RALYL: variants seen among roughly 807,000 people sequenced by gnomAD.
RALYL encodes RALY RNA binding protein like.
In RALYL, 29 loss-of-function variants were observed where a neutral mutation model predicts 35.1. The observed-to-expected ratio is 0.83, with a 90% CI of 0.61 to 1.13. The LOEUF (loss-of-function observed/expected upper bound fraction) is 1.13, where lower values mean the gene tolerates loss of function less well. Among genes scored for constraint, RALYL ranks in the 50% most tolerant of loss-of-function variants. The pLI, the probability that RALYL is intolerant of heterozygous loss-of-function variation, is 0.00. For synonymous variants in RALYL, 120 were observed against 127.6 expected, an observed-to-expected ratio of 0.94 and a Z score of 0.40; for missense variants, 359 against 360.4, an observed-to-expected ratio of 1.00 and a Z score of 0.03.
At chr8:84,711,605 T>G (rs1040691595) in intron 2 of RALYL, among the ~76,000 whole-genome samples, 3 of 152,164 alleles carry the variant, frequency 2.0e-5, no homozygotes, top group African/African-American at 7.2e-5. Flanking sequence ...ATAGAATTGT[T>G]CTAAGGCTTT....
At position 84,621,050 on chromosome 8, in the gene RALYL, T is replaced by A. The variant is rs1329050717; in HGVS notation, c.256+91473T>A. On this transcript the variant is annotated intron_variant, in intron 2 of 8. Transcript: ENST00000521268. ...CAGAGGTTACTGCTGTCTTTTTGTT[T>A]GTGCCCTGCCCCCAGAGGTGGAGCC... Among the ~76,000 whole-genome samples, 4 of 152,346 alleles carry A rather than the reference T, an allele frequency of 2.6e-5. No individual in the cohort carries two copies. The East Asian group carries it at 7.8e-4, about 30-fold the overall frequency.
At chr8:84,704,055 T>C (rs1033635388) in intron 2 of RALYL, among the ~76,000 whole-genome samples, 4 of 152,208 alleles carry the variant, frequency 2.6e-5, no homozygotes, top group Non-Finnish European at 4.4e-5. Flanking sequence ...TCAATAAACA[T>C]GAATTGGCTC....
chr8:84,234,160 G>GA (rs1470206188), intron 1 of RALYL, among the ~76,000 whole-genome samples: 3 of 151,902 alleles, frequency 2.0e-5, no homozygotes, highest in Non-Finnish European at 2.9e-5. Context: ...GGCATTTTTG[G>GA]AAAAAAATCC....
intron 1 of RALYL, among the ~76,000 whole-genome samples, chr8:84,501,094 A>G (rs151301322): frequency 7.7e-4 from 118 of 152,258 alleles, no homozygotes; most frequent in African/African-American, 2.6e-3. Context: ...AATTCTTATC[A>G]TAGTCATTAA....
intron 1 of RALYL, among the ~76,000 whole-genome samples, chr8:84,271,143 T>C (rs1295637860): frequency 7.1e-6 from 1 of 141,070 alleles, no homozygotes; most frequent in Non-Finnish European, 1.6e-5. Context: ...ATTTTCAAAA[T>C]GTGTATCTGA....
chr8:84,341,056 A>G (rs762138481), intron 1 of RALYL, among the ~76,000 whole-genome samples: 2 of 151,516 alleles, frequency 1.3e-5, no homozygotes, highest in African/African-American at 2.4e-5. Context: ...CGTTTCCCTA[A>G]TGATTAGTGG....
chr8:84,317,736 A>T (rs1048446421), intron 1 of RALYL, among the ~76,000 whole-genome samples: 15 of 152,170 alleles, frequency 9.9e-5, no homozygotes, highest in African/African-American at 3.4e-4. Context: ...AGTGTCTGCT[A>T]TATAATTGAA....
intron 2 of RALYL, among the ~76,000 whole-genome samples, chr8:84,765,737 TA>T (rs1195661356): frequency 1.3e-5 from 2 of 152,180 alleles, no homozygotes; most frequent in South Asian, 2.1e-4. Context: ...AATGAATCCC[TA>T]AATCTTCTAA....
At chr8:84,668,817 G>A (rs887545395) in intron 2 of RALYL, among the ~76,000 whole-genome samples, 1 of 151,984 alleles carries the variant, frequency 6.6e-6, no homozygotes, top group Non-Finnish European at 1.5e-5. Flanking sequence ...GACAGAGAAG[G>A]ATATTAAAGG....
chr8:84,305,932 C>T (rs1015054320), intron 1 of RALYL, among the ~76,000 whole-genome samples: 1 of 151,952 alleles, frequency 6.6e-6, no homozygotes, highest in African/African-American at 2.4e-5. Context: ...TTTTAGAAAG[C>T]CCCACCCCTA....
chr8:84,275,008 T>G (rs1458131079), intron 1 of RALYL, among the ~76,000 whole-genome samples: 1 of 152,172 alleles, frequency 6.6e-6, no homozygotes, highest in African/African-American at 2.4e-5. Context: ...ACTGACCATA[T>G]TTGCATCTGG....
chr8:84,199,612 T>G (rs564620797), intron 1 of RALYL, among the ~76,000 whole-genome samples: 1 of 152,294 alleles, frequency 6.6e-6, no homozygotes, highest in Admixed American at 6.5e-5. Flanking sequence ...TTTGTTGTAG[T>G]AGTTTCATAG....
In RALYL at chr8:84,447,432, A is replaced by G. The variant is rs141337512; in HGVS notation, c.-23-81867A>G. ...GAGCTCACTTTTGTTTCAGCATGCC[A>G]TGTCTCAGGTCACACACAGGCCCAC... On this transcript the variant is annotated intron_variant, in intron 1 of 8. Transcript: ENST00000521268. 8.6e-4 allele frequency among the ~76,000 whole-genome samples: 131 copies of G among 151,984 alleles called. 1 individual carries two copies. In the South Asian group the frequency reaches 0.017, roughly 20 times the overall value.
chr8:84,807,713 A>T (rs1247480886), intron 4 of RALYL, among the ~76,000 whole-genome samples: 1 of 152,168 alleles, frequency 6.6e-6, no homozygotes, highest in Non-Finnish European at 1.5e-5. Flanking sequence ...CCATTTTTGC[A>T]GAAGTAAGCT....
intron 4 of RALYL, among the ~76,000 whole-genome samples, chr8:84,832,861 C>T (rs910246828): frequency 1.5e-4 from 23 of 151,980 alleles, no homozygotes; most frequent in Admixed American, 2.6e-4. Flanking sequence ...TTCCATTTTA[C>T]GATTCTATTC....
At chr8:84,631,353 G>T (rs1447302699) in intron 2 of RALYL, among the ~76,000 whole-genome samples, 2 of 151,920 alleles carry the variant, frequency 1.3e-5, no homozygotes, top group Non-Finnish European at 2.9e-5. Context: ...GTTCTGACTT[G>T]ATCTTTTAAA....
intron 1 of RALYL, among the ~76,000 whole-genome samples, chr8:84,423,162 C>T (rs1399494313): frequency 5.3e-5 from 8 of 150,736 alleles, no homozygotes; most frequent in African/African-American, 1.5e-4. Context: ...TAAAGTCTCC[C>T]GTTATTAATG....
intron 2 of RALYL, among the ~76,000 whole-genome samples, chr8:84,688,263 T>C (rs1048592566): frequency 2.6e-5 from 4 of 152,096 alleles, no homozygotes; most frequent in African/African-American, 9.7e-5. Flanking sequence ...TAATCTAGAA[T>C]GTTAGGTGAC....
chr8:84,478,430 G>A (rs772436553), intron 1 of RALYL, among the ~76,000 whole-genome samples: 20 of 152,130 alleles, frequency 1.3e-4, no homozygotes, highest in Non-Finnish European at 8.8e-5. Context: ...AAAAGTTAAT[G>A]TAATGAAATG....
Sources: gnomAD v4.1 joint callset for allele counts (sites outside exome capture counted in the v4.1 genomes callset) on GRCh38, gnomAD v4.1.1 for gene constraint, MANE v1.5 for transcripts, NCBI Gene and HGNC (gene_info 2026-07-23, HGNC 2026-07-21) for gene names.